GSE1: variants seen among roughly 807,000 people sequenced by gnomAD.
GSE1 encodes the protein genetic suppressor element 1.
GSE1 carries 32 observed loss-of-function variants against 112.6 expected under a neutral mutation model. The observed-to-expected ratio is 0.28, with a 90% confidence interval of 0.21 to 0.38. The LOEUF (loss-of-function observed/expected upper bound fraction) is 0.38, where lower values mean the gene tolerates loss of function less well. GSE1 is among the 10% of genes least tolerant of loss of function. The probability of loss-of-function intolerance (pLI) is 1.00; values close to 1 mark genes in which losing one functional copy is unlikely to be tolerated. For missense variants in GSE1, 2,348 were observed against 1,699.2 expected (o/e 1.38, Z -6.71); for synonymous variants, 1,115 against 735.6 (o/e 1.52, Z -8.35).
intron 1 of GSE1, among the ~76,000 whole-genome samples, chr16:85,302,780 G>A (rs1290960499): frequency 6.6e-6 from 1 of 152,200 alleles, no homozygotes; most frequent in African/African-American, 2.4e-5. Flanking sequence ...GTCAATTCTT[G>A]GCCTTGGCCT....
chr16:85,170,135 G>A, exon 1 of GSE1: 1 of 985,340 alleles, frequency 1.0e-6, no homozygotes, highest in South Asian at 4.7e-5. Flanking sequence ...CCAGGGCCAG[G>A]GCCTCGCGGG....
chr16:85,545,034 C>T (rs2044648966), intron 2 of GSE1, among the ~76,000 whole-genome samples: 4 of 152,266 alleles, frequency 2.6e-5, no homozygotes, highest in Admixed American at 2.6e-4. Context: ...TCCAACAGCT[C>T]TTGCCAGGCC....
intron 2 of GSE1, chr16:85,490,104 C>T (rs1430462164): frequency 6.6e-6 from 1 of 152,428 alleles, no homozygotes; most frequent in Admixed American, 6.5e-5. Flanking sequence ...ATGGTGGGCC[C>T]TGGAGACATA....
intron 2 of GSE1, among the ~76,000 whole-genome samples, chr16:85,462,407 C>T (rs1416833650): frequency 1.3e-5 from 2 of 152,038 alleles, no homozygotes; most frequent in South Asian, 4.1e-4. Flanking sequence ...CTCCTGGTGC[C>T]TGTCTTCCTT....
At chr16:85,526,842 C>T (rs937689945) in intron 2 of GSE1, among the ~76,000 whole-genome samples, 3 of 152,264 alleles carry the variant, frequency 2.0e-5, no homozygotes, top group Admixed American at 2.0e-4. Context: ...GAAAAGGTCA[C>T]CATTTGTTCC....
At chr16:85,377,356 C>T (rs916956141) in intron 2 of GSE1, among the ~76,000 whole-genome samples, 3 of 152,180 alleles carry the variant, frequency 2.0e-5, no homozygotes, top group African/African-American at 4.8e-5. Flanking sequence ...TCCTGGCCCC[C>T]CTTGCCAAGA....
chr16:85,666,765 G>A (rs887646923), intron 13 of GSE1: 3 of 202,674 alleles, frequency 1.5e-5, no homozygotes, highest in Non-Finnish European at 3.0e-5. Context: ...CCAGTCCTCA[G>A]GGTAGAGCTT....
At chr16:85,669,618 C>A (rs913134371) in intron 14 of GSE1, among the ~76,000 whole-genome samples, 1 of 152,188 alleles carries the variant, frequency 6.6e-6, no homozygotes, top group Non-Finnish European at 1.5e-5. Flanking sequence ...TTTTAACTCT[C>A]CTAGATGAAA....
chr16:85,634,118 C>A lies in GSE1; in HGVS notation c.212C>A (p.Ala71Glu). Residue 71 changes from alanine (A) to glutamate (E), a missense_variant, in exon 2 of 16, where the codon GCG (alanine) becomes GAG (glutamate). Physicochemically the swap from Ala to Glu is moderately radical, Grantham distance 107. Coordinates refer to ENST00000253458, the MANE Select transcript of GSE1 (RefSeq NM_014615.5). ...AAALRKLAKQ[A>E]EEPRGSSLSS... Reference sequence around the variant, plus strand: ...GCGCTGCGCAAGCTCGCCAAACAGGCGGAGGAGCCCAGAGGTAAGGGGGCC... The same window carrying A: ...GCGCTGCGCAAGCTCGCCAAACAGGAGGAGGAGCCCAGAGGTAAGGGGGCC... 6.5e-7 allele frequency: 1 copy of A among 1,537,312 alleles called. No homozygotes were observed. Among genetic ancestry groups the A allele is most frequent in the Non-Finnish European group, 8.7e-7 (1 of 1,147,990 alleles).
At chr16:85,639,907 C>T (rs1035115854) in intron 2 of GSE1, among the ~76,000 whole-genome samples, 25 of 151,698 alleles carry the variant, frequency 1.6e-4, no homozygotes, top group African/African-American at 5.6e-4. Flanking sequence ...GGGAGCCTTG[C>T]GTGTCCTCAG....
At chr16:85,667,488 C>CT (rs2052965376) in intron 13 of GSE1, among the ~76,000 whole-genome samples, 1 of 152,220 alleles carries the variant, frequency 6.6e-6, no homozygotes, top group South Asian at 2.1e-4. Context: ...CCCATTATGC[C>CT]TAGGGATCAA....
At chr16:85,421,224 C>A (rs920935206) in intron 2 of GSE1, among the ~76,000 whole-genome samples, 8 of 152,022 alleles carry the variant, frequency 5.3e-5, no homozygotes, top group Non-Finnish European at 1.0e-4. Flanking sequence ...TGGACGGGGA[C>A]CCCCGCCAGC....
At chr16:85,177,734 C>T (rs975546992) in intron 1 of GSE1, among the ~76,000 whole-genome samples, 4 of 152,136 alleles carry the variant, frequency 2.6e-5, no homozygotes, top group African/African-American at 9.7e-5. Context: ...ATCTTGGGGC[C>T]TGGTTTTAAA....
chr16:85,236,338 G>C (rs914737043), intron 1 of GSE1, among the ~76,000 whole-genome samples: 7 of 152,204 alleles, frequency 4.6e-5, no homozygotes, highest in African/African-American at 1.7e-4. Context: ...GGATCTGAGT[G>C]TGGTCAAGTC....
chr16:85,194,594 A>G (rs1156688734), intron 1 of GSE1, among the ~76,000 whole-genome samples: 1 of 152,078 alleles, frequency 6.6e-6, no homozygotes, highest in Admixed American at 6.5e-5. Context: ...CAGGAAGACT[A>G]ATGACTCGAG....
chr16:85,550,637 G>T (rs1052176594), intron 2 of GSE1, among the ~76,000 whole-genome samples: 1 of 152,130 alleles, frequency 6.6e-6, no homozygotes, highest in South Asian at 2.1e-4. Flanking sequence ...GCTCCCAGCC[G>T]AGGCACCCCG....
intron 2 of GSE1, among the ~76,000 whole-genome samples, chr16:85,387,288 C>T (rs968793129): frequency 2.6e-5 from 4 of 152,164 alleles, no homozygotes; most frequent in African/African-American, 7.2e-5. Flanking sequence ...CCCACTTTCC[C>T]GACGCCTTGC....
chr16:85,653,063 G>A (rs2151906763), intron 3 of GSE1, among the ~76,000 whole-genome samples: 1 of 150,910 alleles, frequency 6.6e-6, no homozygotes, highest in Non-Finnish European at 1.5e-5. Context: ...GGGCAGTGCT[G>A]TCCCCACATG....
chr16:85,522,226 G>A (rs73267278), intron 2 of GSE1, among the ~76,000 whole-genome samples: 4,298 of 152,132 alleles, frequency 0.028, 106 homozygotes, highest in South Asian at 0.13. Context: ...TGGCCGGGCC[G>A]TGGCTTGTCC....
Sources: allele counts gnomAD v4.1 joint callset (sites outside exome capture counted in the v4.1 genomes callset), GRCh38; gene constraint gnomAD v4.1.1; transcripts MANE v1.5; gene names NCBI Gene and HGNC (gene_info 2026-07-23, HGNC 2026-07-21).